The following CLVS1 variants were observed in gnomAD, a reference collection of about 807,000 sequenced individuals.
The protein encoded by CLVS1 is clavesin 1.
CLVS1 carries 10 observed loss-of-function variants against 33.1 expected under a neutral mutation model. The ratio of observed to expected loss-of-function variants is 0.30; its 90% CI spans 0.19 to 0.51. The LOEUF is 0.51. Ranked by LOEUF, CLVS1 falls within the 20% of genes least tolerant of loss-of-function variation. CLVS1 has a pLI of 0.97. For missense variants in CLVS1, 343 were observed against 433.4 expected, an observed-to-expected ratio of 0.79 and a Z score of 1.85; for synonymous variants, 163 against 166.1, an observed-to-expected ratio of 0.98 and a Z score of 0.14.
chr8:61,412,399 A>G (rs1260941342), intron 3 of CLVS1, among the ~76,000 whole-genome samples: 1 of 152,196 alleles, frequency 6.6e-6, no homozygotes, highest in East Asian at 1.9e-4. Flanking sequence ...TGGGGGTCTC[A>G]GTGGAGACTT....
chr8:61,347,629 TATATA>T (rs1812268686), intron 2 of CLVS1, among the ~76,000 whole-genome samples: 6 of 544 alleles, frequency 0.011, no homozygotes, highest in Non-Finnish European at 0.015. Flanking sequence ...CATTCCATTA[TATATA>T]TATATATATA....
chr8:61,117,721 C>T (rs1341521675), intron 1 of CLVS1, among the ~76,000 whole-genome samples: 1 of 152,126 alleles, frequency 6.6e-6, no homozygotes, highest in African/African-American at 2.4e-5. Flanking sequence ...AGGGATGAAG[C>T]CCACTTGATC....
chr8:61,382,215 T>C (rs1020955554), intron 3 of CLVS1, among the ~76,000 whole-genome samples: 4 of 152,368 alleles, frequency 2.6e-5, no homozygotes, highest in Non-Finnish European at 5.9e-5. Flanking sequence ...TTGTGATTAG[T>C]AATTTTGACA....
At position 61,499,386 on chromosome 8, in the gene CLVS1, C is replaced by T; in HGVS notation, c.978-69C>T. The T allele has an allele frequency of 2.7e-6, 3 of 1,123,340 alleles. No individual in the cohort carries two copies. The African/African-American group carries it at 4.6e-5, about 17-fold the overall frequency. 69.6% of individuals were successfully genotyped at this position (1,123,340 alleles called of 1,614,324 possible). The stretch of plus-strand genomic sequence containing the variant: ...AAAGAGAAATATAAAATCCGGATGT[C>T]TTCAAAGGTTCCAAAATTGTCACCA... On this transcript the variant is annotated intron_variant, in intron 5 of 5. Coordinates refer to ENST00000325897, the MANE Select transcript of CLVS1 (RefSeq NM_173519.3).
At chr8:61,317,388 A>G (rs1446831952) in intron 2 of CLVS1, among the ~76,000 whole-genome samples, 1 of 152,270 alleles carries the variant, frequency 6.6e-6, no homozygotes, top group East Asian at 1.9e-4. Context: ...TTAAAATTCA[A>G]TCCTGGGCAT....
intron 3 of CLVS1, among the ~76,000 whole-genome samples, chr8:61,402,654 A>G (rs1192929729): frequency 3.3e-5 from 5 of 152,240 alleles, no homozygotes; most frequent in Non-Finnish European, 7.3e-5. Context: ...TGTGCTAACA[A>G]TATTCTAGGT....
rs143185828 is a variant in CLVS1 at position 61,059,437 on chromosome 8, CAT to C, written c.-243+2219_-243+2220del. Among the ~76,000 whole-genome samples the C allele has an allele frequency of 3.1e-5, 4 of 128,598 alleles. No individual in the cohort carries two copies. The East Asian group carries it at 7.1e-4, about 23-fold the overall frequency. 84.4% of individuals were successfully genotyped at this position (128,598 alleles called of 152,430 possible). A position where few individuals can be genotyped will look rare whatever the true frequency, so the allele number is the denominator to read the frequency against. ...TACATTCTGGATGCAAGACCTATAT[CAT>C]ATATATATATACACACACATATACA... On this transcript the variant is annotated intron_variant, in intron 1 of 2. Coordinates refer to the CLVS1 transcript ENST00000522621.
intron 3 of CLVS1, among the ~76,000 whole-genome samples, chr8:61,446,228 T>C (rs1381048918): frequency 1.3e-5 from 2 of 152,186 alleles, no homozygotes; most frequent in Non-Finnish European, 2.9e-5. Flanking sequence ...CTTTCCAAGT[T>C]CTTGGGGTAG....
At chr8:61,004,561 C>T in the CLVS1 span, among the ~76,000 whole-genome samples, 1 of 152,182 alleles carries the variant, frequency 6.6e-6, no homozygotes, top group African/African-American at 2.4e-5. Context: ...TTTGCTAGCA[C>T]AAGAGAGAGC....
At position 61,166,031 on chromosome 8, in the gene CLVS1, G is replaced by GTTTTTTTTTTTTTTTT. The variant is rs71245557; in HGVS notation, c.-152+34185_-152+34186insTTTTTTTTTTTTTTTT. ...TATTTTTGTGGCTAAGCATCTAAGC[G>GTTTTTTTTTTTTTTTT]TTTTTTTTTTTTTTGCCTGCCTTTG... On this transcript the variant is annotated intron_variant, in intron 2 of 2. Coordinates refer to the CLVS1 transcript ENST00000522621. Among the ~76,000 whole-genome samples the GTTTTTTTTTTTTTTTT allele has an allele frequency of 2.7e-4, 29 of 108,374 alleles. 4 individuals carry two copies. The highest frequency in any genetic ancestry group is 5.5e-4 in the African/African-American group (17 of 30,746). The allele number at this position is 108,374 out of a possible 152,430, so 71.1% of individuals were successfully genotyped here. A position where few individuals can be genotyped will look rare whatever the true frequency, so the allele number is the denominator to read the frequency against.
chr8:61,423,267 T>A (rs1815753765), intron 3 of CLVS1, among the ~76,000 whole-genome samples: 1 of 152,248 alleles, frequency 6.6e-6, no homozygotes, highest in South Asian at 2.1e-4. Context: ...GATATTCATA[T>A]GAAGTTCCCA....
chr8:61,045,452 A>T, the CLVS1 span, among the ~76,000 whole-genome samples: 1 of 152,178 alleles, frequency 6.6e-6, no homozygotes, highest in Non-Finnish European at 1.5e-5. Flanking sequence ...CAACCATGGG[A>T]TCTACCTATT....
intron 2 of CLVS1, among the ~76,000 whole-genome samples, chr8:61,192,488 T>C (rs117026938): frequency 0.52 from 78,259 of 151,568 alleles, 20,886 homozygotes; most frequent in Middle Eastern, 0.69. Context: ...GACTAAAACA[T>C]AAAAGCAATG....
rs923760269 is a variant in CLVS1, at chr8:61,179,208, A to G, written c.-152+47348A>G. On this transcript the variant is annotated intron_variant, in intron 2 of 2. Transcript: ENST00000522621. ...AGGGGTTGCAATCCTAATTTATGGAAAAACAGACTTTAAACCAACAAAGAT... is the reference window on the plus strand; with the variant it reads ...AGGGGTTGCAATCCTAATTTATGGAGAAACAGACTTTAAACCAACAAAGAT... Among the ~76,000 whole-genome samples the G allele has an allele frequency of 4.6e-5, 7 of 152,334 alleles. No homozygotes were observed. The East Asian group carries it at 1.4e-3, about 29-fold the overall frequency.
chr8:61,319,934 A>G (rs915725244), intron 2 of CLVS1, among the ~76,000 whole-genome samples: 2 of 152,010 alleles, frequency 1.3e-5, no homozygotes, highest in East Asian at 1.9e-4. Context: ...TATGCCTTTA[A>G]TTATTTTTGC....
At chr8:60,974,494 C>T in the CLVS1 span, among the ~76,000 whole-genome samples, 1 of 152,196 alleles carries the variant, frequency 6.6e-6, no homozygotes, top group South Asian at 2.1e-4. Flanking sequence ...CATTGACTTC[C>T]TCAAAGTTTC....
In CLVS1 at chr8:61,136,785, T is replaced by C. The variant is rs952492199; in HGVS notation, c.-152+4925T>C. Among the ~76,000 whole-genome samples, 20 of 152,194 alleles carry C rather than the reference T, an allele frequency of 1.3e-4. 1 individual carries two copies. The highest frequency in any genetic ancestry group is 4.4e-5 in the Non-Finnish European group (3 of 68,034). Reference sequence around the variant, plus strand: ...GAATAATCTGTACAGCAAAACCCCATGACACAAGCTTACCTATGTAACAAA... The same window carrying C: ...GAATAATCTGTACAGCAAAACCCCACGACACAAGCTTACCTATGTAACAAA... On this transcript the variant is annotated intron_variant, in intron 2 of 2. Transcript: ENST00000522621.
At chr8:61,353,534 T>TA (rs1812560696) in intron 2 of CLVS1, among the ~76,000 whole-genome samples, 1 of 151,730 alleles carries the variant, frequency 6.6e-6, no homozygotes, top group South Asian at 2.1e-4. Context: ...ATTTAAAAAT[T>TA]ATGTCCAACT....
At chr8:61,351,318 G>C (rs1313231873) in intron 2 of CLVS1, among the ~76,000 whole-genome samples, 1 of 151,932 alleles carries the variant, frequency 6.6e-6, no homozygotes, top group Non-Finnish European at 1.5e-5. Context: ...GAAATGATAG[G>C]TTCAATAATA....
Sources: allele counts gnomAD v4.1 joint callset (sites outside exome capture counted in the v4.1 genomes callset), GRCh38; gene constraint gnomAD v4.1.1; transcripts MANE v1.5; gene names NCBI Gene and HGNC (gene_info 2026-07-23, HGNC 2026-07-21).